The following KCNN2 variants were observed in gnomAD, a reference collection of about 807,000 sequenced individuals.
KCNN2 encodes the protein small conductance calcium-activated potassium channel protein 2.
A neutral mutation model predicts 55.5 loss-of-function variants in KCNN2; 24 were observed. The ratio of observed to expected loss-of-function variants is 0.43; its 90% CI spans 0.31 to 0.61. The LOEUF (loss-of-function observed/expected upper bound fraction) is 0.61. KCNN2 is among the 20% of genes least tolerant of loss of function. The pLI is 0.08. For missense variants in KCNN2, 754 were observed against 853.6 expected, an observed-to-expected ratio of 0.88 and a Z score of 1.45; for synonymous variants, 431 against 336.1, an observed-to-expected ratio of 1.28 and a Z score of -3.09.
chr5:114,151,912 C>A (rs186740341), intron 1 of KCNN2, among the ~76,000 whole-genome samples: 3 of 152,144 alleles, frequency 2.0e-5, no homozygotes, highest in African/African-American at 7.2e-5. Context: ...AATGTTAACA[C>A]TGTACCTTTA....
chr5:114,174,500 A>G (rs1024080838), intron 1 of KCNN2, among the ~76,000 whole-genome samples: 3 of 152,072 alleles, frequency 2.0e-5, no homozygotes, highest in Non-Finnish European at 2.9e-5. Context: ...TGTATTTCTT[A>G]CTTCACTTCT....
chr5:114,470,455 T>C (rs1178318607), intron 4 of KCNN2, among the ~76,000 whole-genome samples: 1 of 152,200 alleles, frequency 6.6e-6, no homozygotes, highest in Non-Finnish European at 1.5e-5. Flanking sequence ...TTGTCGAGCA[T>C]ACGCTATACC....
intron 1 of KCNN2, among the ~76,000 whole-genome samples, chr5:114,144,002 A>G (rs1752344956): frequency 6.6e-6 from 1 of 152,208 alleles, no homozygotes; most frequent in African/African-American, 2.4e-5. Context: ...TTACCCATTG[A>G]ATGGTGTTGA....
chr5:114,426,254 G>A (rs948985373), intron 3 of KCNN2, among the ~76,000 whole-genome samples: 3 of 152,166 alleles, frequency 2.0e-5, no homozygotes, highest in Non-Finnish European at 4.4e-5. Context: ...AAGGGTGGTA[G>A]ATTTTGTCAA....
upstream of KCNN2, among the ~76,000 whole-genome samples, chr5:114,361,411 G>A (rs75085303): frequency 8.5e-5 from 13 of 152,338 alleles, no homozygotes; most frequent in East Asian, 2.5e-3. Context: ...CAGCGGCCAA[G>A]GCAGGGCTCA....
At chr5:114,272,261 TATATG>T (rs1260566259) in intron 2 of KCNN2, among the ~76,000 whole-genome samples, 1 of 151,692 alleles carries the variant, frequency 6.6e-6, no homozygotes, top group Non-Finnish European at 1.5e-5. Context: ...TATACACACA[TATATG>T]TATGTACATA....
At chr5:114,401,249 A>C (rs1758779766) in intron 2 of KCNN2, among the ~76,000 whole-genome samples, 1 of 152,220 alleles carries the variant, frequency 6.6e-6, no homozygotes, top group African/African-American at 2.4e-5. Flanking sequence ...TAGTAAAAAA[A>C]CAACTATGTA....
At chr5:114,348,619 T>C (rs1423848719) in intron 2 of KCNN2, among the ~76,000 whole-genome samples, 1 of 152,102 alleles carries the variant, frequency 6.6e-6, no homozygotes, top group African/African-American at 2.4e-5. Flanking sequence ...CCACACCTTA[T>C]TTATATACTA....
intron 5 of KCNN2, among the ~76,000 whole-genome samples, chr5:114,474,044 A>G (rs1210502244): frequency 1.3e-5 from 2 of 152,226 alleles, no homozygotes; most frequent in African/African-American, 2.4e-5. Flanking sequence ...GTGGAATGCA[A>G]TCAGGCTGTC....
chr5:114,293,194 G>A (rs1755933055), intron 2 of KCNN2, among the ~76,000 whole-genome samples: 1 of 152,070 alleles, frequency 6.6e-6, no homozygotes, highest in African/African-American at 2.4e-5. Flanking sequence ...TCCTTCTCCT[G>A]CCTGACTGCC....
intron 2 of KCNN2, among the ~76,000 whole-genome samples, chr5:114,388,809 C>G (rs1210146099): frequency 6.6e-6 from 1 of 151,742 alleles, no homozygotes; most frequent in Non-Finnish European, 1.5e-5. Context: ...TATTCTATAT[C>G]AGTTTTTTTT....
rs921722417 is a variant in KCNN2 at position 114,295,178 on chromosome 5, C to T, written c.-184-65767C>T. Among the ~76,000 whole-genome samples, 10 of 152,314 alleles carry T rather than the reference C, an allele frequency of 6.6e-5. No individual in the cohort carries two copies. In the East Asian group the frequency reaches 1.7e-3, roughly 26 times the overall value. On this transcript the variant is annotated intron_variant, in intron 2 of 10. Transcript: ENST00000512097. ...GACCCACTTGAGGAGGCAGTCTGCC[C>T]ATTCTCAGATCTCCAGCTGCGTGCT...
intron 1 of KCNN2, among the ~76,000 whole-genome samples, chr5:114,114,338 C>G (rs1353385181): frequency 1.3e-5 from 2 of 152,124 alleles, no homozygotes; most frequent in Non-Finnish European, 2.9e-5. Flanking sequence ...AAGTGATCCT[C>G]TTGCTTAGCC....
At chr5:114,255,133 A>G (rs771507075) in intron 2 of KCNN2, among the ~76,000 whole-genome samples, 11 of 152,236 alleles carry the variant, frequency 7.2e-5, no homozygotes, top group Non-Finnish European at 1.6e-4. Context: ...TTTAATATGT[A>G]TAAGTTACGG....
At chr5:114,122,158 T>C (rs1291561382) in intron 1 of KCNN2, among the ~76,000 whole-genome samples, 11 of 152,168 alleles carry the variant, frequency 7.2e-5, no homozygotes, top group Non-Finnish European at 4.4e-5. Flanking sequence ...GGAGTAATAA[T>C]GTAATCAGCA....
At chr5:114,374,620 A>G (rs1757879476) in intron 2 of KCNN2, among the ~76,000 whole-genome samples, 2 of 152,112 alleles carry the variant, frequency 1.3e-5, no homozygotes, top group South Asian at 2.1e-4. Context: ...GGGAGCTTGT[A>G]TCTTTTCTGT....
intron 1 of KCNN2, among the ~76,000 whole-genome samples, chr5:114,156,055 G>T (rs543763748): frequency 6.6e-6 from 1 of 152,070 alleles, no homozygotes; most frequent in Non-Finnish European, 1.5e-5. Flanking sequence ...CTTAATTTTT[G>T]TATATGATGT....
At chr5:114,208,628 T>C (rs1175237851) in intron 1 of KCNN2, among the ~76,000 whole-genome samples, 1 of 152,152 alleles carries the variant, frequency 6.6e-6, no homozygotes, top group African/African-American at 2.4e-5. Flanking sequence ...AATCAGAATC[T>C]CTGGGGTGAA....
At chr5:114,420,487 G>A (rs757155247) in intron 3 of KCNN2, among the ~76,000 whole-genome samples, 5 of 152,212 alleles carry the variant, frequency 3.3e-5, no homozygotes, top group African/African-American at 1.2e-4. Flanking sequence ...TAACATGGGA[G>A]AAATTGACCA....
Sources: gnomAD v4.1 joint callset for allele counts (sites outside exome capture counted in the v4.1 genomes callset) on GRCh38, gnomAD v4.1.1 for gene constraint, MANE v1.5 for transcripts, NCBI Gene and HGNC (gene_info 2026-07-23, HGNC 2026-07-21) for gene names.